Variants in DDX42 observed in about 807,000 individuals in gnomAD.
DDX42 encodes the protein ATP-dependent RNA helicase DDX42.
Under a neutral mutation model 101.5 loss-of-function variants are expected in DDX42, and 22 were observed. The ratio of observed to expected loss-of-function variants is 0.22; its 90% CI spans 0.15 to 0.31. The LOEUF is 0.31. Among genes scored for constraint, DDX42 ranks in the 10% least tolerant of loss-of-function variants. DDX42 has a pLI of 1.00. For missense variants in DDX42, 849 were observed against 1,199.9 expected, an observed-to-expected ratio of 0.71 and a Z score of 4.32; for synonymous variants, 402 against 401.2, an observed-to-expected ratio of 1.00 and a Z score of -0.02.
At chr17:63,775,202 A>G (rs2039404667) in intron 1 of DDX42, 1 of 152,654 alleles carries the variant, frequency 6.6e-6, no homozygotes, top group Non-Finnish European at 1.5e-5. Flanking sequence ...GTTTCGTACA[A>G]AAATTAATGT....
chr17:63,796,384 A>C (rs1272406154), intron 3 of DDX42, among the ~76,000 whole-genome samples: 1 of 152,148 alleles, frequency 6.6e-6, no homozygotes, highest in Non-Finnish European at 1.5e-5. Context: ...GTCTCAGCTC[A>C]CCACAACCTC....
intron 3 of DDX42, among the ~76,000 whole-genome samples, chr17:63,796,335 GCT>G (rs1363786619): frequency 6.6e-6 from 1 of 152,128 alleles, no homozygotes; most frequent in African/African-American, 2.4e-5. Context: ...GAGGAATGGA[GCT>G]TCACCCTTGT....
In DDX42 at chr17:63,787,908, T is replaced by TG. The variant is rs1567731880; in HGVS notation, c.221+638_221+639insG. Among the ~76,000 whole-genome samples, 7 of 129,392 alleles carry TG rather than the reference T, an allele frequency of 5.4e-5. No individual in the cohort carries two copies. The East Asian group carries it at 1.4e-3, about 25-fold the overall frequency. 84.9% of individuals were successfully genotyped at this position (129,392 alleles called of 152,430 possible). ...AGAGTTTTATATAATTCATGTGGTT[T>TG]TTTTTTTTTTTTTTGGAGGCAGAGT... On this transcript the variant is annotated intron_variant, in intron 2 of 17. Coordinates refer to ENST00000389924, the MANE Select transcript of DDX42 (RefSeq NM_203499.3).
intron 13 of DDX42, 46 bp from the exon 14 acceptor site, chr17:63,811,886 T>C: frequency 1.2e-6 from 2 of 1,613,162 alleles, no homozygotes; most frequent in South Asian, 1.1e-5. Context: ...TCAGGTGCCC[T>C]GTGGCTCCAA....
intron 1 of DDX42, among the ~76,000 whole-genome samples, chr17:63,783,605 G>T (rs945455703): frequency 1.3e-5 from 2 of 152,214 alleles, no homozygotes; most frequent in African/African-American, 4.8e-5. Context: ...TCCCCTTATG[G>T]GATTCCGAAA....
At chr17:63,789,834 A>G (rs2039604380) in intron 2 of DDX42, among the ~76,000 whole-genome samples, 2 of 152,110 alleles carry the variant, frequency 1.3e-5, no homozygotes, top group Admixed American at 6.6e-5. Flanking sequence ...CGGCCTCCCA[A>G]AGTGCTGGGA....
chr17:63,801,241 G>A (rs2039765451), intron 6 of DDX42, among the ~76,000 whole-genome samples: 1 of 152,114 alleles, frequency 6.6e-6, no homozygotes, highest in Non-Finnish European at 1.5e-5. Flanking sequence ...TTTTGGTAGA[G>A]ATGGGGTTTT....
chr17:63,807,777 T>C lies in DDX42; in HGVS notation c.900T>C (p.Gly300=). ...ACATGATTGGTATTGCCAAAACAGG[T>C]AGTGGGAAAACTGCAGCCTTCATTT... ...GRDMIGIAKT[G]SGKTAAFIWP... Residue 300 remains glycine, a synonymous_variant, in exon 9 of 18, where the codon GGT becomes GGC. Transcript: ENST00000389924. The C allele has an allele frequency of 6.2e-7, 1 of 1,614,000 alleles. No individual in the cohort carries two copies. Among genetic ancestry groups the C allele is most frequent in the Non-Finnish European group, 8.5e-7 (1 of 1,179,986 alleles).
intron 14 of DDX42, among the ~76,000 whole-genome samples, chr17:63,812,749 G>A (rs982410344): frequency 6.6e-6 from 1 of 152,154 alleles, no homozygotes; most frequent in Admixed American, 6.5e-5. Context: ...TCCCAGTCGG[G>A]CACGGTGGCT....
At chr17:63,798,143 C>G (rs555863712) in intron 4 of DDX42, 44 bp downstream of exon 4, 2 of 1,583,592 alleles carry the variant, frequency 1.3e-6, no homozygotes, top group South Asian at 1.1e-5. Context: ...GTGAAAACTG[C>G]TGAAGTATTG....
At chr17:63,784,784 T>TA (rs2039526802) in intron 1 of DDX42, among the ~76,000 whole-genome samples, 1 of 151,848 alleles carries the variant, frequency 6.6e-6, no homozygotes, top group Non-Finnish European at 1.5e-5. Context: ...AAAAAGATTT[T>TA]TTTTTTTAAC....
rs1399237515 is a variant in DDX42, at chr17:63,819,242, T to C, written c.*844T>C. 2.0e-5 allele frequency: 3 copies of C among 152,668 alleles called. No individual in the cohort carries two copies. Among genetic ancestry groups the C allele is most frequent in the Non-Finnish European group, 4.4e-5 (3 of 68,062 alleles). The allele number at this position is 152,668 out of a possible 1,614,324, so 9.5% of individuals were successfully genotyped here. A position where few individuals can be genotyped will look rare whatever the true frequency, so the allele number is the denominator to read the frequency against. On this transcript the variant is annotated 3_prime_UTR_variant, in exon 18 of 18. Coordinates refer to ENST00000389924, the MANE Select transcript of DDX42 (RefSeq NM_203499.3). ...AAAAGAAATATACAAACTTTGACTT[T>C]TGTGACTTTGTGAAGGTTTCTTTAA...
At chr17:63,810,602 A>G in intron 12 of DDX42, 42 bp downstream of exon 12, 1 of 1,576,752 alleles carries the variant, frequency 6.3e-7, no homozygotes, top group Non-Finnish European at 8.7e-7. Context: ...TTGTACTAAA[A>G]AGGGCACTTA....
intron 17 of DDX42, chr17:63,817,250 T>C (rs2039987544): frequency 2.6e-6 from 1 of 388,824 alleles, no homozygotes; most frequent in Admixed American, 4.2e-5. Context: ...GCCTGAAGTG[T>C]TGCCCACCTC....
At chr17:63,795,810 T>C (rs1008211512) in intron 3 of DDX42, among the ~76,000 whole-genome samples, 1 of 152,198 alleles carries the variant, frequency 6.6e-6, no homozygotes, top group African/African-American at 2.4e-5. Flanking sequence ...TTATAACAAC[T>C]TAAGTTACTT....
rs147272438 is a variant in DDX42 at position 63,800,628 on chromosome 17, T to C, written c.621+11T>C. On this transcript the variant is annotated intron_variant, in intron 6 of 17. Transcript: ENST00000389924. ...ATTGATCATTCAGAGGTATGGTGTTTCTTGCTGAATTTTACTCTTGTTTCA... is the reference window on the plus strand; with the variant it reads ...ATTGATCATTCAGAGGTATGGTGTTCCTTGCTGAATTTTACTCTTGTTTCA... 1.2e-6 allele frequency: 2 copies of C among 1,609,838 alleles called. No homozygotes were observed. Among genetic ancestry groups the C allele is most frequent in the Non-Finnish European group, 1.7e-6 (2 of 1,178,502 alleles).
At chr17:63,802,622 AAATTC>A (rs2039785501) in intron 6 of DDX42, among the ~76,000 whole-genome samples, 2 of 152,130 alleles carry the variant, frequency 1.3e-5, no homozygotes, top group Admixed American at 6.5e-5. Context: ...TTTAATAACA[AAATTC>A]AGGCTGGGTA....
chr17:63,782,476 A>G (rs7221853), intron 1 of DDX42, among the ~76,000 whole-genome samples: 106,414 of 151,862 alleles, frequency 0.7, 38,728 homozygotes, highest in African/African-American at 0.92. Flanking sequence ...CCTTTTGCCT[A>G]ATTTTGCAAA....
At chr17:63,778,030 T>G (rs189011683) in intron 1 of DDX42, among the ~76,000 whole-genome samples, 1 of 152,154 alleles carries the variant, frequency 6.6e-6, no homozygotes, top group Non-Finnish European at 1.5e-5. Flanking sequence ...GCTATGGAAT[T>G]GAGGAGAGTG....
Sources: allele counts gnomAD v4.1 joint callset (sites outside exome capture counted in the v4.1 genomes callset), GRCh38; gene constraint gnomAD v4.1.1; transcripts MANE v1.5; gene names NCBI Gene and HGNC (gene_info 2026-07-23, HGNC 2026-07-21).